The following CADM2 variants were observed in gnomAD, a reference collection of about 807,000 sequenced individuals.
CADM2 encodes cell adhesion molecule 2, also known as immunoglobulin superfamily member 4D.
CADM2 carries 12 observed loss-of-function variants against 49.8 expected under a neutral mutation model. The ratio of observed to expected loss-of-function variants is 0.24; its 90% CI spans 0.15 to 0.39. The LOEUF (loss-of-function observed/expected upper bound fraction) is 0.39, where lower values mean the gene tolerates loss of function less well. Ranked by LOEUF, CADM2 falls within the 10% of genes least tolerant of loss-of-function variation. The pLI is 1.00. For missense variants in CADM2, 378 were observed against 492.3 expected (o/e 0.77, Z 2.20); for synonymous variants, 214 against 175.4 (o/e 1.22, Z -1.74).
intron 1 of CADM2, among the ~76,000 whole-genome samples, chr3:85,535,382 G>T (rs995402466): frequency 3.1e-4 from 47 of 152,082 alleles, no homozygotes; most frequent in African/African-American, 9.9e-4. Context: ...TGGGCCCTAA[G>T]TAACAGACTC....
intron 1 of CADM2, among the ~76,000 whole-genome samples, chr3:85,362,706 G>T (rs2032447987): frequency 6.6e-6 from 1 of 152,078 alleles, no homozygotes; most frequent in East Asian, 1.9e-4. Context: ...AATCAAATAG[G>T]TAGATTGGAA....
intron 2 of CADM2, among the ~76,000 whole-genome samples, chr3:85,774,791 A>G (rs1486678042): frequency 6.6e-6 from 1 of 151,718 alleles, no homozygotes; most frequent in African/African-American, 2.4e-5. Context: ...TTTGGTAGTT[A>G]TTGTTAGGAT....
intron 1 of CADM2, among the ~76,000 whole-genome samples, chr3:85,657,980 A>G (rs2107601327): frequency 6.6e-6 from 1 of 152,088 alleles, no homozygotes. Flanking sequence ...TCTAATTTGT[A>G]TGTGTTTGGT....
intron 1 of CADM2, among the ~76,000 whole-genome samples, chr3:85,548,810 A>G (rs2061731053): frequency 6.6e-6 from 1 of 152,186 alleles, no homozygotes; most frequent in South Asian, 2.1e-4. Context: ...CTGAGCATAT[A>G]ATTAGAGTCC....
chr3:85,869,806 C>T (rs1211816308), intron 3 of CADM2, among the ~76,000 whole-genome samples: 1 of 151,976 alleles, frequency 6.6e-6, no homozygotes, highest in African/African-American at 2.4e-5. Flanking sequence ...CTACAGGTGC[C>T]CGCCACCACG....
chr3:86,072,808 T>C lies in CADM2; in HGVS notation c.*6025T>C, dbSNP rs1703358815. 2 of 152,068 alleles carry C rather than the reference T, an allele frequency of 1.3e-5. No individual in the cohort carries two copies. The highest frequency in any genetic ancestry group is 2.1e-4 in the South Asian group (1 of 4,826). 9.4% of individuals were successfully genotyped at this position (152,068 alleles called of 1,614,324 possible). Reference sequence around the variant, plus strand: ...TGTAAACTGAATTGTTATATCTCTATCCTTTTTGCTTTTCTCTGTGTTTTT... The same window carrying C: ...TGTAAACTGAATTGTTATATCTCTACCCTTTTTGCTTTTCTCTGTGTTTTT... On this transcript the variant is annotated 3_prime_UTR_variant, in exon 10 of 10. Transcript: ENST00000383699.
chr3:85,056,186 T>A (rs911601232), intron 1 of CADM2, among the ~76,000 whole-genome samples: 1 of 152,076 alleles, frequency 6.6e-6, no homozygotes, highest in African/African-American at 2.4e-5. Context: ...GACTTCACCT[T>A]TGCAAGGTAA....
At chr3:85,549,509 G>T (rs6779559) in intron 1 of CADM2, among the ~76,000 whole-genome samples, 6,497 of 152,226 alleles carry the variant, frequency 0.043, 466 homozygotes, top group African/African-American at 0.15. Flanking sequence ...GTAAGTGAAT[G>T]ATGAGTAGAT....
At chr3:85,244,635 T>A (rs1380957132) in intron 1 of CADM2, among the ~76,000 whole-genome samples, 2 of 152,108 alleles carry the variant, frequency 1.3e-5, no homozygotes, top group Non-Finnish European at 2.9e-5. Context: ...TAAGTATAAA[T>A]CTTCAGATAC....
chr3:85,477,384 T>C (rs2039021313), intron 1 of CADM2, among the ~76,000 whole-genome samples: 1 of 109,100 alleles, frequency 9.2e-6, no homozygotes. Context: ...AAGAAGAAGA[T>C]TAATATGAAA....
chr3:85,981,471 T>A (rs1727480042), intron 8 of CADM2, among the ~76,000 whole-genome samples: 1 of 151,498 alleles, frequency 6.6e-6, no homozygotes, highest in Non-Finnish European at 1.5e-5. Flanking sequence ...GTAAGCATAG[T>A]ATGTGATAGG....
chr3:85,184,009 T>C (rs1342180191), intron 1 of CADM2, among the ~76,000 whole-genome samples: 3 of 152,080 alleles, frequency 2.0e-5, no homozygotes, highest in African/African-American at 7.2e-5. Context: ...AATGGTTAGA[T>C]CATTAGGTGT....
intron 1 of CADM2, among the ~76,000 whole-genome samples, chr3:85,065,463 A>G (rs2036495137): frequency 6.6e-6 from 1 of 152,060 alleles, no homozygotes. Context: ...CTCATTTTTG[A>G]AATAAATAGA....
intron 8 of CADM2, among the ~76,000 whole-genome samples, chr3:86,041,870 C>T (rs1461111202): frequency 6.6e-6 from 1 of 152,106 alleles, no homozygotes; most frequent in Non-Finnish European, 1.5e-5. Context: ...CAAATTATAA[C>T]AAACTGTCTG....
intron 1 of CADM2, among the ~76,000 whole-genome samples, chr3:85,348,016 C>G (rs771759587): frequency 3.9e-5 from 6 of 152,216 alleles, no homozygotes; most frequent in Middle Eastern, 3.4e-3. Context: ...GCCATGATAA[C>G]CAAGCTGGCC....
In CADM2 at chr3:86,068,290, C is replaced by T. The variant is rs1333121369; in HGVS notation, c.*1507C>T. 1 of 152,058 alleles carries T rather than the reference C, an allele frequency of 6.6e-6. No individual in the cohort carries two copies. 9.4% of individuals were successfully genotyped at this position (152,058 alleles called of 1,614,324 possible). ...TATTCTTAAATATGAAACAGTTAAT[C>T]TAAAGTCTTATTATTTCTTCTAGTA... On this transcript the variant is annotated 3_prime_UTR_variant, in exon 10 of 10. Transcript: ENST00000383699.
chr3:86,064,970 AT>A (rs1211816176), intron 8 of CADM2, among the ~76,000 whole-genome samples: 3 of 152,130 alleles, frequency 2.0e-5, no homozygotes, highest in Non-Finnish European at 2.9e-5. Flanking sequence ...GCCAAAATAC[AT>A]TCTTCCCTTT....
At chr3:85,319,181 C>A (rs72903210) in intron 1 of CADM2, among the ~76,000 whole-genome samples, 11,111 of 152,136 alleles carry the variant, frequency 0.073, 743 homozygotes, top group African/African-American at 0.18. Context: ...TATTTAGCAC[C>A]TAATTTTTTA....
chr3:85,988,993 A>G lies in CADM2; in HGVS notation c.970+27346A>G, dbSNP rs147957463. ...TGATATTTAAAAAGCGGGTTCTATA[A>G]TGAAGGACAATGGTATTCTAGGGTA... On this transcript the variant is annotated intron_variant, in intron 8 of 9. Coordinates refer to ENST00000383699, the MANE Select transcript of CADM2 (RefSeq NM_001167675.2). Among the ~76,000 whole-genome samples the G allele has an allele frequency of 1.2e-3, 184 of 152,334 alleles. 1 individual carries two copies. Among genetic ancestry groups the G allele is most frequent in the African/African-American group, 4.1e-3 (169 of 41,572 alleles).
Sources: gnomAD v4.1 joint callset for allele counts (sites outside exome capture counted in the v4.1 genomes callset) on GRCh38, gnomAD v4.1.1 for gene constraint, MANE v1.5 for transcripts, NCBI Gene and HGNC (gene_info 2026-07-23, HGNC 2026-07-21) for gene names.